The following RMDN2 variants were observed in gnomAD, a reference collection of about 807,000 sequenced individuals.
RMDN2 encodes the protein regulator of microtubule dynamics 2, also known as regulator of microtubule dynamics protein 2.
Under a neutral mutation model 52.8 loss-of-function variants are expected in RMDN2, and 61 were observed. The observed-to-expected ratio is 1.16, with a 90% CI of 0.94 to 1.43. The LOEUF is 1.43. RMDN2 is among the 40% of genes most tolerant of loss of function. RMDN2 has a pLI of 0.00. For missense variants in RMDN2, 592 were observed against 475.3 expected (o/e 1.25, Z -2.28); for synonymous variants, 180 against 153.1 (o/e 1.18, Z -1.30).
intron 10 of RMDN2, chr2:38,027,393 A>C (rs1362735894): frequency 6.6e-6 from 1 of 152,186 alleles, no homozygotes; most frequent in Non-Finnish European, 1.5e-5. Flanking sequence ...GAAAGCCAGA[A>C]GTTGTAACTT....
At chr2:38,007,086 G>A (rs969154639) in intron 10 of RMDN2, among the ~76,000 whole-genome samples, 2 of 152,166 alleles carry the variant, frequency 1.3e-5, no homozygotes, top group African/African-American at 2.4e-5. Flanking sequence ...GCTTTTTGAT[G>A]TGCTGCTGGA....
intron 6 of RMDN2, among the ~76,000 whole-genome samples, chr2:37,990,699 C>A (rs942950509): frequency 2.6e-5 from 4 of 151,988 alleles, no homozygotes; most frequent in South Asian, 2.1e-4. Context: ...CACACACACA[C>A]AAAATGTAGT....
At chr2:38,060,117 T>TATTTTATTTTATTTTATTTA (rs1681988562) in intron 10 of RMDN2, among the ~76,000 whole-genome samples, 4 of 108,704 alleles carry the variant, frequency 3.7e-5, no homozygotes, top group East Asian at 2.5e-4. Context: ...TATTTTATTT[T>TATTTTATTTTATTTTATTTA]ATTTTTTTTA....
At chr2:37,982,362 A>C (rs1673436155) in intron 5 of RMDN2, among the ~76,000 whole-genome samples, 1 of 152,186 alleles carries the variant, frequency 6.6e-6, no homozygotes, top group Non-Finnish European at 1.5e-5. Context: ...GTCCGAACTC[A>C]AAGGGACACA....
At chr2:37,978,076 C>T (rs559647285) in intron 4 of RMDN2, among the ~76,000 whole-genome samples, 71 of 152,258 alleles carry the variant, frequency 4.7e-4, no homozygotes, top group Non-Finnish European at 6.8e-4. Context: ...CCCGACACCT[C>T]GGGAGGCCGA....
At chr2:37,992,593 C>T (rs1210856583) in intron 7 of RMDN2, among the ~76,000 whole-genome samples, 1 of 152,150 alleles carries the variant, frequency 6.6e-6, no homozygotes, top group African/African-American at 2.4e-5. Flanking sequence ...GCACATTTTA[C>T]ACTTCCTGGT....
At chr2:37,972,766 C>T (rs867724777) in intron 2 of RMDN2, among the ~76,000 whole-genome samples, 2 of 151,964 alleles carry the variant, frequency 1.3e-5, no homozygotes, top group Non-Finnish European at 2.9e-5. Flanking sequence ...TGTATTTTGA[C>T]GATAGAACCA....
chr2:37,951,113 G>C (rs999981747), intron 2 of RMDN2: 1 of 926,158 alleles, frequency 1.1e-6, no homozygotes, highest in Non-Finnish European at 1.6e-6. Context: ...TTTCATATTA[G>C]TATGGAAACA....
intron 10 of RMDN2, among the ~76,000 whole-genome samples, chr2:38,041,563 G>A (rs966420170): frequency 6.6e-6 from 1 of 150,646 alleles, no homozygotes; most frequent in African/African-American, 2.4e-5. Flanking sequence ...CATTAACTAT[G>A]ATGTTAACTG....
intron 2 of RMDN2, among the ~76,000 whole-genome samples, chr2:37,941,653 C>T (rs1667797787): frequency 1.3e-5 from 2 of 152,216 alleles, no homozygotes; most frequent in African/African-American, 2.4e-5. Context: ...CTGCGGTGGG[C>T]TCCACTCAGT....
chr2:37,957,153 A>G (rs1401753599), intron 2 of RMDN2, among the ~76,000 whole-genome samples: 1 of 152,082 alleles, frequency 6.6e-6, no homozygotes, highest in Non-Finnish European at 1.5e-5. Context: ...ATGATTTATA[A>G]TCCTTTGGGT....
At chr2:38,000,015 C>A (rs1676101853) in intron 8 of RMDN2, among the ~76,000 whole-genome samples, 1 of 152,104 alleles carries the variant, frequency 6.6e-6, no homozygotes, top group African/African-American at 2.4e-5. Context: ...TATATTCTTA[C>A]CCCAGGGTCT....
At chr2:37,989,442 A>C in intron 5 of RMDN2, 99 bp from the exon 6 acceptor site, 1 of 754,044 alleles carries the variant, frequency 1.3e-6, no homozygotes, top group Admixed American at 2.3e-5. Context: ...TTAAATATGA[A>C]TGAATGCTTT....
intron 10 of RMDN2, among the ~76,000 whole-genome samples, chr2:38,060,738 T>A (rs1031234897): frequency 6.6e-6 from 1 of 152,160 alleles, no homozygotes; most frequent in African/African-American, 2.4e-5. Context: ...TGACCTGACT[T>A]GTGGGGTCCA....
chr2:37,922,337 A>G (rs1666053843), upstream of RMDN2, among the ~76,000 whole-genome samples: 1 of 152,094 alleles, frequency 6.6e-6, no homozygotes, highest in Admixed American at 6.5e-5. Flanking sequence ...AGTTAACTAT[A>G]TAGCATATTG....
At position 38,040,043 on chromosome 2, in the gene RMDN2, T is replaced by TTTATTATTATTA. The variant is rs1278981951; in HGVS notation, c.1714-26938_1714-26937insTATTATTATTAT. 5.9e-5 allele frequency among the ~76,000 whole-genome samples: 5 copies of TTTATTATTATTA among 85,278 alleles called. No homozygotes were observed. The Admixed American group carries it at 6.0e-4, about 10-fold the overall frequency. The allele number at this position is 85,278 out of a possible 152,430, so 55.9% of individuals were successfully genotyped here. On this transcript the variant is annotated intron_variant, in intron 10 of 10. Transcript: ENST00000234195. Reference sequence around the variant, plus strand: ...GAACAGTATAAGGCCTGTGTCTAGATTCATTATTATTATTATTATTATTAT... The same window carrying TTTATTATTATTA: ...GAACAGTATAAGGCCTGTGTCTAGATTTATTATTATTATCATTATTATTATTATTATTATTAT...
chr2:37,973,041 A>T (rs1015384335), intron 2 of RMDN2, among the ~76,000 whole-genome samples: 5 of 152,234 alleles, frequency 3.3e-5, no homozygotes, highest in African/African-American at 1.2e-4. Context: ...CATGCTAGAA[A>T]ATGAAGAACA....
intron 10 of RMDN2, among the ~76,000 whole-genome samples, chr2:38,058,642 C>T (rs1358441040): frequency 6.6e-6 from 1 of 152,190 alleles, no homozygotes; most frequent in African/African-American, 2.4e-5. Flanking sequence ...CAAAATATAA[C>T]CTTATGTGGA....
chr2:37,930,635 C>A (rs1044935736), intron 2 of RMDN2, among the ~76,000 whole-genome samples: 2 of 152,188 alleles, frequency 1.3e-5, no homozygotes, highest in Non-Finnish European at 2.9e-5. Flanking sequence ...CAGGAAGCAG[C>A]CGTGCCAGAG....
Sources: gnomAD v4.1 joint callset for allele counts (sites outside exome capture counted in the v4.1 genomes callset) on GRCh38, gnomAD v4.1.1 for gene constraint, MANE v1.5 for transcripts, NCBI Gene and HGNC (gene_info 2026-07-23, HGNC 2026-07-21) for gene names.